The following TRHDE variants were observed in gnomAD, a reference collection of about 807,000 sequenced individuals.
TRHDE encodes thyrotropin-releasing hormone-degrading ectoenzyme.
TRHDE carries 72 observed loss-of-function variants against 125.7 expected under a neutral mutation model. The observed-to-expected ratio is 0.57, with a 90% CI of 0.47 to 0.70. TRHDE has a LOEUF of 0.70. Among genes scored for constraint, TRHDE ranks in the 30% least tolerant of loss-of-function variants. The probability of loss-of-function intolerance (pLI) is 0.00; values close to 1 mark genes in which losing one functional copy is unlikely to be tolerated. For synonymous variants in TRHDE, 509 were observed against 509.1 expected (o/e 1.00, Z 0.00); for missense variants, 1,110 against 1,327.1 (o/e 0.84, Z 2.54).
Position 72,670,755 on chromosome 12 carries a change from T to C in TRHDE, c.*7560T>C, listed in dbSNP as rs887083035. On this transcript the variant is annotated 3_prime_UTR_variant, in exon 19 of 19. Coordinates refer to ENST00000261180, the MANE Select transcript of TRHDE (RefSeq NM_013381.3). ...TGCCTTTAGAATAAATGAAATGATC[T>C]GCACTTTGGTAAAAAGTGATTTCAC... 1.3e-5 allele frequency: 2 copies of C among 151,766 alleles called. No individual in the cohort carries two copies. The highest frequency in any genetic ancestry group is 2.9e-5 in the Non-Finnish European group (2 of 67,830). 9.4% of individuals were successfully genotyped at this position (151,766 alleles called of 1,614,324 possible).
chr12:72,215,208 C>G (rs965201221), intron 2 of TRHDE, among the ~76,000 whole-genome samples: 1 of 147,752 alleles, frequency 6.8e-6, no homozygotes, highest in South Asian at 2.2e-4. Flanking sequence ...GAGTGGGGGT[C>G]GCAAGGTGCT....
At chr12:72,646,730 A>C (rs1874295954) in intron 15 of TRHDE, among the ~76,000 whole-genome samples, 2 of 152,198 alleles carry the variant, frequency 1.3e-5, no homozygotes, top group South Asian at 4.1e-4. Flanking sequence ...AACCATCACA[A>C]AAACAAAGAA....
chr12:72,261,536 A>G (rs1393244935), intron 2 of TRHDE, among the ~76,000 whole-genome samples: 1 of 152,172 alleles, frequency 6.6e-6, no homozygotes, highest in East Asian at 1.9e-4. Context: ...GCTTTTGAAA[A>G]TGGAATTTGG....
chr12:72,576,670 C>G (rs55712695), intron 12 of TRHDE, among the ~76,000 whole-genome samples: 2,720 of 152,130 alleles, frequency 0.018, 36 homozygotes, highest in Non-Finnish European at 0.027. Flanking sequence ...TAAAAAAATA[C>G]TCTGACTTTT....
chr12:72,517,158 TA>T (rs1257017961), intron 6 of TRHDE, among the ~76,000 whole-genome samples: 2 of 151,610 alleles, frequency 1.3e-5, no homozygotes, highest in East Asian at 1.9e-4. Context: ...GCTGGCCTCA[TA>T]AAATGAGTTA....
At chr12:72,478,235 A>C (rs115077883) in intron 5 of TRHDE, among the ~76,000 whole-genome samples, 2,865 of 152,258 alleles carry the variant, frequency 0.019, 81 homozygotes, top group African/African-American at 0.066. Context: ...GGCTGGACCC[A>C]AGGGCTTTTG....
At chr12:72,262,148 T>C (rs1368443115) in intron 2 of TRHDE, among the ~76,000 whole-genome samples, 1 of 152,148 alleles carries the variant, frequency 6.6e-6, no homozygotes, top group Non-Finnish European at 1.5e-5. Flanking sequence ...TACAATTCGT[T>C]CTCTTGTTTT....
intron 3 of TRHDE, among the ~76,000 whole-genome samples, chr12:72,435,908 A>G (rs1368552059): frequency 6.6e-6 from 1 of 152,088 alleles, no homozygotes. Context: ...TTAAGTAGGA[A>G]AGGCAAAAAA....
chr12:72,620,338 CAAAAAAAAA>C (rs3080963), intron 13 of TRHDE, among the ~76,000 whole-genome samples: 1 of 67,504 alleles, frequency 1.5e-5, no homozygotes, highest in Non-Finnish European at 3.5e-5. Context: ...CCCATCTCTA[CAAAAAAAAA>C]AAAAAAAAAA....
chr12:72,409,333 CTG>C (rs566744200), intron 3 of TRHDE, among the ~76,000 whole-genome samples: 267 of 152,268 alleles, frequency 1.8e-3, no homozygotes, highest in Non-Finnish European at 2.9e-3. Flanking sequence ...CAGGGAGACA[CTG>C]AGTTTTTCAA....
intron 2 of TRHDE, among the ~76,000 whole-genome samples, chr12:72,204,535 T>C (rs1159262116): frequency 6.6e-6 from 1 of 152,222 alleles, no homozygotes; most frequent in African/African-American, 2.4e-5. Context: ...AATTCTTTCC[T>C]GAGGTCAAAA....
In TRHDE at chr12:72,456,880, A is replaced by G. The variant is rs1237744515; in HGVS notation, c.1316-12878A>G. On this transcript the variant is annotated intron_variant, in intron 3 of 18. Coordinates refer to ENST00000261180, the MANE Select transcript of TRHDE (RefSeq NM_013381.3). ...TGTATTTCATTTCTTGATCTAATGT[A>G]AATTGAACTAGGGAATATTTGGAAC... Among the ~76,000 whole-genome samples the G allele has an allele frequency of 2.1e-4, 32 of 152,162 alleles. 1 individual carries two copies. The highest frequency in any genetic ancestry group is 2.1e-3 in the Admixed American group (32 of 15,254).
At chr12:72,442,109 C>T (rs1053824206) in intron 3 of TRHDE, among the ~76,000 whole-genome samples, 2 of 151,826 alleles carry the variant, frequency 1.3e-5, no homozygotes, top group Admixed American at 6.6e-5. Flanking sequence ...TTGGGATTTA[C>T]GTTGGCATCC....
intron 2 of TRHDE, among the ~76,000 whole-genome samples, chr12:72,158,452 G>A (rs1351909887): frequency 6.6e-6 from 1 of 151,200 alleles, no homozygotes; most frequent in Non-Finnish European, 1.5e-5. Context: ...GTGTGTAATT[G>A]CCTCTTTGTG....
Position 72,258,324 on chromosome 12 carries a change from G to A in TRHDE, n.280-119671G>A, listed in dbSNP as rs538548031. On this transcript the variant is annotated intron_variant and non_coding_transcript_variant, in intron 2 of 4. Coordinates refer to the TRHDE transcript ENST00000548156. The stretch of plus-strand genomic sequence containing the variant: ...GAAAATGTGAATAGGCAAAGCTGGT[G>A]CCTACAGGATGCCAACAGAGTAGAC... 6.4e-4 allele frequency: 97 copies of A among 152,274 alleles called. 1 individual carries two copies. The highest frequency in any genetic ancestry group is 2.3e-3 in the African/African-American group (94 of 41,564). The allele number at this position is 152,274 out of a possible 1,614,324, so 9.4% of individuals were successfully genotyped here.
intron 2 of TRHDE, among the ~76,000 whole-genome samples, chr12:72,337,214 C>A (rs376334420): frequency 6.6e-6 from 1 of 152,258 alleles, no homozygotes; most frequent in South Asian, 2.1e-4. Context: ...AGAGACAAGT[C>A]TCAGGAGTGT....
chr12:72,283,742 T>C (rs1225189621), intron 1 of TRHDE, among the ~76,000 whole-genome samples: 1 of 152,122 alleles, frequency 6.6e-6, no homozygotes, highest in African/African-American at 2.4e-5. Flanking sequence ...TTACACATAA[T>C]AAATTCTTAC....
chr12:72,451,502 G>C (rs1183326715), intron 3 of TRHDE, among the ~76,000 whole-genome samples: 1 of 152,140 alleles, frequency 6.6e-6, no homozygotes, highest in Non-Finnish European at 1.5e-5. Context: ...TTTTATGCCA[G>C]CACTTTGGTG....
chr12:72,321,146 A>G (rs1869072446), intron 2 of TRHDE, among the ~76,000 whole-genome samples: 1 of 152,168 alleles, frequency 6.6e-6, no homozygotes, highest in Non-Finnish European at 1.5e-5. Flanking sequence ...TAGAGGCATT[A>G]GTAATAGAAA....
Sources: gnomAD v4.1 joint callset for allele counts (sites outside exome capture counted in the v4.1 genomes callset) on GRCh38, gnomAD v4.1.1 for gene constraint, MANE v1.5 for transcripts, NCBI Gene and HGNC (gene_info 2026-07-23, HGNC 2026-07-21) for gene names.